ADK: variants seen among roughly 807,000 people sequenced by gnomAD.
The protein encoded by ADK is N6,N6-dimethyladenosine kinase.
In ADK, 24 loss-of-function variants were observed where a neutral mutation model predicts 44.7. That is an observed-to-expected ratio of 0.54 (90% CI 0.39 to 0.76). The LOEUF is 0.76. Among genes scored for constraint, ADK ranks in the 30% least tolerant of loss-of-function variants. The pLI is 0.00. For missense variants in ADK, 321 were observed against 425.1 expected (o/e 0.76, Z 2.15); for synonymous variants, 128 against 142.6 (o/e 0.90, Z 0.73).
chr10:74,469,472 C>G (rs1372512695), intron 6 of ADK, among the ~76,000 whole-genome samples: 1 of 152,156 alleles, frequency 6.6e-6, no homozygotes, highest in African/African-American at 2.4e-5. Flanking sequence ...GAGTGATCCT[C>G]CTACTTCAGC....
intron 4 of ADK, among the ~76,000 whole-genome samples, chr10:74,387,832 C>A (rs868390747): frequency 4.3e-4 from 66 of 152,244 alleles, no homozygotes; most frequent in Admixed American, 2.2e-3. Flanking sequence ...AAAGGTGATA[C>A]AAATATAATA....
At chr10:74,580,507 A>G (rs957943440) in intron 7 of ADK, among the ~76,000 whole-genome samples, 1 of 151,834 alleles carries the variant, frequency 6.6e-6, no homozygotes, top group African/African-American at 2.4e-5. Flanking sequence ...CCCAGAAGGC[A>G]GAGGTTACAG....
intron 1 of ADK, among the ~76,000 whole-genome samples, chr10:74,158,682 T>A (rs11000900): frequency 0.16 from 24,486 of 152,094 alleles, 2,189 homozygotes; most frequent in African/African-American, 0.24. Context: ...TAAGAAAGGG[T>A]TTGTGGACTT....
intron 6 of ADK, among the ~76,000 whole-genome samples, chr10:74,441,034 T>C (rs1480299483): frequency 6.6e-6 from 1 of 152,184 alleles, no homozygotes; most frequent in Admixed American, 6.5e-5. Context: ...TCTCCTCAGC[T>C]AAGTTCCAAA....
chr10:74,399,108 A>G (rs1843623437), intron 6 of ADK, among the ~76,000 whole-genome samples: 4 of 151,920 alleles, frequency 2.6e-5, no homozygotes. Context: ...TTGAATTATT[A>G]AGTCTTCTGA....
chr10:74,380,365 T>C (rs962784940), intron 4 of ADK, among the ~76,000 whole-genome samples: 1 of 152,190 alleles, frequency 6.6e-6, no homozygotes, highest in African/African-American at 2.4e-5. Flanking sequence ...TGTATCTAAT[T>C]TAGATTTTAA....
At chr10:74,270,825 A>T (rs1215800766) in intron 3 of ADK, among the ~76,000 whole-genome samples, 1 of 152,218 alleles carries the variant, frequency 6.6e-6, no homozygotes, top group Non-Finnish European at 1.5e-5. Flanking sequence ...TCATAGCCAG[A>T]TAGTTCTGTA....
At chr10:74,177,923 T>TTATATATATATA (rs1192890268) in intron 1 of ADK, among the ~76,000 whole-genome samples, 185 of 130,286 alleles carry the variant, frequency 1.4e-3, no homozygotes, top group African/African-American at 5.1e-3. Context: ...AATTGCATAA[T>TTATATATATATA]TATATATATA....
intron 6 of ADK, among the ~76,000 whole-genome samples, chr10:74,436,143 A>T (rs1417023653): frequency 6.6e-6 from 1 of 152,244 alleles, no homozygotes; most frequent in Non-Finnish European, 1.5e-5. Context: ...TGATAACAGC[A>T]GAAAGGAGGT....
chr10:74,569,335 C>T (rs1850837533), intron 7 of ADK, among the ~76,000 whole-genome samples: 1 of 152,120 alleles, frequency 6.6e-6, no homozygotes, highest in African/African-American at 2.4e-5. Context: ...AGTTCTAGAT[C>T]CCTGAGGAAT....
intron 3 of ADK, among the ~76,000 whole-genome samples, chr10:74,263,950 G>A (rs952373441): frequency 2.0e-5 from 3 of 152,134 alleles, no homozygotes; most frequent in African/African-American, 7.2e-5. Context: ...TGTGTTTAAG[G>A]TTCTTGTACT....
At chr10:74,447,395 T>G (rs994714259) in intron 6 of ADK, among the ~76,000 whole-genome samples, 2 of 152,262 alleles carry the variant, frequency 1.3e-5, no homozygotes, top group African/African-American at 4.8e-5. Flanking sequence ...CTGCTTCTTC[T>G]CTTCCTGGTA....
chr10:74,316,892 CTT>C (rs3037395), intron 4 of ADK, among the ~76,000 whole-genome samples: 1 of 151,248 alleles, frequency 6.6e-6, no homozygotes, highest in African/African-American at 2.4e-5. Flanking sequence ...TTCTTTTGCA[CTT>C]TTTTTTTTAC....
intron 4 of ADK, among the ~76,000 whole-genome samples, chr10:74,322,038 G>C (rs773783264): frequency 6.6e-6 from 1 of 152,114 alleles, no homozygotes; most frequent in Admixed American, 6.5e-5. Flanking sequence ...AAGGACTCAT[G>C]TTGTTTATCT....
intron 9 of ADK, chr10:74,641,704 G>GT (rs1400128083): frequency 6.6e-6 from 1 of 152,186 alleles, no homozygotes; most frequent in Non-Finnish European, 1.5e-5. Flanking sequence ...AAATATTCTT[G>GT]TTGGCCAGCT....
At position 74,313,289 on chromosome 10, in the gene ADK, ACTTTT is replaced by A. The variant is rs1277324640; in HGVS notation, c.195-1372_195-1368del. ...CTTTTTCAAAGTCATACACCACTTT[ACTTTT>A]CTTTTAACCTAATTCCATCTTTCTT... On this transcript the variant is annotated intron_variant, in intron 3 of 10. Coordinates refer to ENST00000539909, the MANE Select transcript of ADK (RefSeq NM_006721.4). Among the ~76,000 whole-genome samples the A allele has an allele frequency of 3.3e-5, 5 of 151,990 alleles. No individual in the cohort carries two copies. In the East Asian group the frequency reaches 9.7e-4, roughly 29 times the overall value.
intron 4 of ADK, among the ~76,000 whole-genome samples, chr10:74,382,720 T>C (rs1045137513): frequency 5.9e-5 from 9 of 152,164 alleles, no homozygotes; most frequent in African/African-American, 1.7e-4. Flanking sequence ...TTGGATTAAA[T>C]GAGTTTCTTG....
At chr10:74,651,745 T>C (rs2134134010) in intron 9 of ADK, among the ~76,000 whole-genome samples, 1 of 152,316 alleles carries the variant, frequency 6.6e-6, no homozygotes. Context: ...AAGAGCTTTG[T>C]ATATGCAGAA....
chr10:74,596,549 C>CT (rs1251965594), intron 8 of ADK, among the ~76,000 whole-genome samples: 10 of 150,372 alleles, frequency 6.7e-5, no homozygotes, highest in African/African-American at 2.5e-4. Flanking sequence ...CTCTCTCTCT[C>CT]TCTTTTTTTT....
Sources: allele counts gnomAD v4.1 joint callset (sites outside exome capture counted in the v4.1 genomes callset), GRCh38; gene constraint gnomAD v4.1.1; transcripts MANE v1.5; gene names NCBI Gene and HGNC (gene_info 2026-07-23, HGNC 2026-07-21).